The following LRRTM3 variants were observed in gnomAD, a reference collection of about 807,000 sequenced individuals.
The protein encoded by LRRTM3 is leucine rich repeat transmembrane neuronal 3, also known as leucine-rich repeat transmembrane neuronal protein 3.
Under a neutral mutation model 44.7 loss-of-function variants are expected in LRRTM3, and 24 were observed. That is an observed-to-expected ratio of 0.54 (90% CI 0.39 to 0.76). The LOEUF (loss-of-function observed/expected upper bound fraction) is 0.76. Among genes scored for constraint, LRRTM3 ranks in the 30% least tolerant of loss-of-function variants. LRRTM3 has a pLI of 0.00. For synonymous variants in LRRTM3, 277 were observed against 278.7 expected, an observed-to-expected ratio of 0.99 and a Z score of 0.06; for missense variants, 587 against 702.2, an observed-to-expected ratio of 0.84 and a Z score of 1.85.
intron 2 of LRRTM3, among the ~76,000 whole-genome samples, chr10:67,079,157 T>C (rs1227031092): frequency 6.6e-6 from 1 of 152,250 alleles, no homozygotes; most frequent in Non-Finnish European, 1.5e-5. Flanking sequence ...TTGGTTTCTC[T>C]GATGTTCTGC....
At chr10:66,973,265 A>T (rs1456911872) in intron 2 of LRRTM3, among the ~76,000 whole-genome samples, 3 of 152,198 alleles carry the variant, frequency 2.0e-5, no homozygotes, top group Non-Finnish European at 4.4e-5. Context: ...ACTATAATGT[A>T]TGAGTTTTGA....
chr10:67,090,462 C>T (rs566549015), intron 2 of LRRTM3, among the ~76,000 whole-genome samples: 1 of 152,150 alleles, frequency 6.6e-6, no homozygotes, highest in East Asian at 1.9e-4. Flanking sequence ...TTGTGTTCAC[C>T]TCTCTAGGTT....
chr10:66,997,360 T>G (rs139797003), intron 2 of LRRTM3, among the ~76,000 whole-genome samples: 1 of 152,350 alleles, frequency 6.6e-6, no homozygotes, highest in Non-Finnish European at 1.5e-5. Flanking sequence ...CTTTCTTGTT[T>G]GTAAAAATTA....
chr10:67,082,262 C>A (rs192890603), intron 2 of LRRTM3, among the ~76,000 whole-genome samples: 3 of 152,054 alleles, frequency 2.0e-5, no homozygotes, highest in Non-Finnish European at 4.4e-5. Context: ...TGGTTTTAAC[C>A]GCTGCTTGCT....
chr10:67,097,485 T>C lies in LRRTM3; in HGVS notation c.1537-102T>C, dbSNP rs904238739. The C allele has an allele frequency of 1.0e-4, 103 of 989,570 alleles. 1 individual carries two copies. Among genetic ancestry groups the C allele is most frequent in the African/African-American group, 9.4e-4 (59 of 62,622 alleles). The allele number at this position is 989,570 out of a possible 1,614,324, so 61.3% of individuals were successfully genotyped here. A position where few individuals can be genotyped will look rare whatever the true frequency, so the allele number is the denominator to read the frequency against. On this transcript the variant is annotated intron_variant, in intron 2 of 2. Coordinates refer to ENST00000361320, the MANE Select transcript of LRRTM3 (RefSeq NM_178011.5). Reference sequence around the variant, plus strand: ...CACCTGGGCCACAGGGCCACAGATATAACCATGGAGGTTAGTCAGGTCAGC... The same window carrying C: ...CACCTGGGCCACAGGGCCACAGATACAACCATGGAGGTTAGTCAGGTCAGC...
intron 2 of LRRTM3, among the ~76,000 whole-genome samples, chr10:66,942,431 T>C (rs554743540): frequency 6.6e-6 from 1 of 152,280 alleles, no homozygotes; most frequent in Non-Finnish European, 1.5e-5. Flanking sequence ...AACAGAAAAA[T>C]TCTGTTGTTA....
chr10:67,068,799 C>T (rs1856252324), intron 2 of LRRTM3, among the ~76,000 whole-genome samples: 1 of 152,192 alleles, frequency 6.6e-6, no homozygotes, highest in Admixed American at 6.5e-5. Flanking sequence ...GTGGCTTACG[C>T]CTGTAATCCC....
intron 2 of LRRTM3, among the ~76,000 whole-genome samples, chr10:66,972,899 A>G (rs1849807357): frequency 1.3e-5 from 2 of 151,680 alleles, no homozygotes; most frequent in African/African-American, 4.9e-5. Flanking sequence ...TTTAGTAGAG[A>G]TGGGGTTTCA....
intron 2 of LRRTM3, among the ~76,000 whole-genome samples, chr10:67,058,943 CAA>C (rs1191858196): frequency 4.0e-5 from 6 of 151,852 alleles, no homozygotes; most frequent in Non-Finnish European, 7.4e-5. Flanking sequence ...CATAAATCAC[CAA>C]AAAAAGGCAA....
chr10:66,932,234 G>A (rs1847444114), intron 2 of LRRTM3, among the ~76,000 whole-genome samples: 2 of 152,210 alleles, frequency 1.3e-5, no homozygotes, highest in Admixed American at 1.3e-4. Flanking sequence ...GGATAATGCA[G>A]AGTCAGATTC....
chr10:66,996,599 G>C (rs1696182645), intron 2 of LRRTM3, among the ~76,000 whole-genome samples: 1 of 125,060 alleles, frequency 8.0e-6, no homozygotes, highest in Non-Finnish European at 1.6e-5. Context: ...AGTGGGTCAA[G>C]ATCGCACCAC....
intron 2 of LRRTM3, among the ~76,000 whole-genome samples, chr10:67,030,838 T>C (rs961062419): frequency 2.6e-5 from 4 of 152,072 alleles, no homozygotes; most frequent in Non-Finnish European, 5.9e-5. Flanking sequence ...ACCCCGTCTC[T>C]ACTAAAAATA....
chr10:67,071,249 C>A (rs558629303), intron 2 of LRRTM3, among the ~76,000 whole-genome samples: 14 of 151,778 alleles, frequency 9.2e-5, no homozygotes, highest in Middle Eastern at 3.4e-3. Context: ...CTTCTACTTA[C>A]AACAATTCCC....
At chr10:67,066,337 T>C (rs939380388) in intron 2 of LRRTM3, among the ~76,000 whole-genome samples, 3 of 151,670 alleles carry the variant, frequency 2.0e-5, no homozygotes, top group African/African-American at 4.8e-5. Flanking sequence ...GGACTACAGG[T>C]GTGCGCCACC....
intron 2 of LRRTM3, among the ~76,000 whole-genome samples, chr10:67,021,391 T>C (rs1467085042): frequency 2.6e-5 from 4 of 152,134 alleles, no homozygotes; most frequent in Admixed American, 6.5e-5. Context: ...GGAAAGAAAT[T>C]TGATATTTTA....
intron 2 of LRRTM3, among the ~76,000 whole-genome samples, chr10:67,084,853 A>G (rs1857217459): frequency 6.6e-6 from 1 of 152,000 alleles, no homozygotes; most frequent in South Asian, 2.1e-4. Context: ...CATTCAGGTT[A>G]TAGATTAGCA....
At chr10:66,982,144 C>G (rs927451505) in intron 2 of LRRTM3, among the ~76,000 whole-genome samples, 1 of 152,178 alleles carries the variant, frequency 6.6e-6, no homozygotes, top group East Asian at 1.9e-4. Context: ...AAAATAAATA[C>G]ATTTGCATTC....
chr10:67,022,659 C>T (rs1038433078), intron 2 of LRRTM3, among the ~76,000 whole-genome samples: 3 of 152,070 alleles, frequency 2.0e-5, no homozygotes, highest in Non-Finnish European at 2.9e-5. Context: ...CACTGAAGGC[C>T]GGGCACGGTG....
intron 2 of LRRTM3, among the ~76,000 whole-genome samples, chr10:67,081,765 G>A (rs1857071766): frequency 6.6e-6 from 1 of 152,146 alleles, no homozygotes; most frequent in African/African-American, 2.4e-5. Context: ...TTCTCTGAAT[G>A]AGTTCCTTGT....
Sources: allele counts gnomAD v4.1 joint callset (sites outside exome capture counted in the v4.1 genomes callset), GRCh38; gene constraint gnomAD v4.1.1; transcripts MANE v1.5; gene names NCBI Gene and HGNC (gene_info 2026-07-23, HGNC 2026-07-21).